Variants in KANSL1 observed in about 807,000 individuals in gnomAD.
The protein encoded by KANSL1 is MLL1/MLL complex subunit KANSL1.
Under a neutral mutation model 103.6 loss-of-function variants are expected in KANSL1, and 22 were observed. The observed-to-expected ratio is 0.21, with a 90% CI of 0.15 to 0.30. The LOEUF (loss-of-function observed/expected upper bound fraction) is 0.30. Ranked by LOEUF, KANSL1 falls within the 10% of genes least tolerant of loss-of-function variation. KANSL1 has a pLI of 1.00. For synonymous variants in KANSL1, 600 were observed against 527.6 expected, an observed-to-expected ratio of 1.14 and a Z score of -1.88; for missense variants, 1,337 against 1,399.8, an observed-to-expected ratio of 0.96 and a Z score of 0.72.
chr17:46,182,082 T>G (rs2046820830), intron 1 of KANSL1, among the ~76,000 whole-genome samples: 2 of 152,236 alleles, frequency 1.3e-5, no homozygotes, highest in Admixed American at 6.5e-5. Context: ...GCAAAATTCC[T>G]TAACAGCACC....
intron 2 of KANSL1, among the ~76,000 whole-genome samples, chr17:46,132,120 T>TC (rs2043892399): frequency 6.7e-6 from 1 of 148,782 alleles, no homozygotes; most frequent in Non-Finnish European, 1.5e-5. Flanking sequence ...ACAGCAAAAC[T>TC]CCATCTCAAA....
chr17:46,206,457 A>G (rs2047972298), intron 1 of KANSL1, among the ~76,000 whole-genome samples: 2 of 152,230 alleles, frequency 1.3e-5, no homozygotes, highest in African/African-American at 4.8e-5. Flanking sequence ...CAAGTGCTGT[A>G]GCTGACACCT....
intron 2 of KANSL1, among the ~76,000 whole-genome samples, chr17:46,128,915 A>T (rs1016499223): frequency 2.0e-5 from 3 of 152,198 alleles, no homozygotes; most frequent in Admixed American, 2.0e-4. Flanking sequence ...ATGACCAGTA[A>T]CTTCAGAAGC....
Position 46,039,760 on chromosome 17 carries a change from C to T in KANSL1, c.2145G>A (p.Leu715=), listed in dbSNP as rs1360670835. The T allele has an allele frequency of 1.1e-5, 17 of 1,614,154 alleles. No individual in the cohort carries two copies. The highest frequency in any genetic ancestry group is 6.6e-5 in the South Asian group (6 of 91,082). ...LKHRAPMPGS[L]PDSARKDRHK... ...GCCTGTCCTTACGAGCTGAATCTGG[C>T]AGACTGCCCGGCATGGGTGCTCTGT... The change falls in exon 8 of 15, where the codon CTG becomes CTA. Residue 715 remains leucine, a synonymous_variant. Coordinates refer to ENST00000432791, the MANE Select transcript of KANSL1 (RefSeq NM_015443.4).
intron 3 of KANSL1, among the ~76,000 whole-genome samples, chr17:46,084,171 C>CAAGAACACCTTG (rs2079077744): frequency 6.6e-6 from 1 of 151,924 alleles, no homozygotes; most frequent in Non-Finnish European, 1.5e-5. Flanking sequence ...CTGAGGTCGT[C>CAAGAACACCTTG]AGGAGTTCAA....
chr17:46,086,871 G>GGA lies in KANSL1; in HGVS notation c.1432-4331_1432-4330dup, dbSNP rs374600415. Among the ~76,000 whole-genome samples, 9 of 151,944 alleles carry GGA rather than the reference G, an allele frequency of 5.9e-5. No homozygotes were observed. In the East Asian group the frequency reaches 7.7e-4, roughly 13 times the overall value. On this transcript the variant is annotated intron_variant, in intron 3 of 14. Transcript: ENST00000432791. Reference sequence around the variant, plus strand: ...TATTCAGGAGGATCACTTAAGCCCAGGAGAGAGAGAGAGATACAAGTGGGA... The same window carrying GGA: ...TATTCAGGAGGATCACTTAAGCCCAGGAGAGAGAGAGAGAGATACAAGTGGGA...
At chr17:46,059,647 A>AAGAGAGAGAGAG (rs56065215) in intron 6 of KANSL1, among the ~76,000 whole-genome samples, 941 of 54,790 alleles carry the variant, frequency 0.017, 16 homozygotes, top group South Asian at 0.058. Flanking sequence ...AAAAAAAAAA[A>AAGAGAGAGAGAG]AGAGAGAGAG....
At chr17:46,059,470 T>A (rs1414254540) in intron 6 of KANSL1, among the ~76,000 whole-genome samples, 3 of 151,410 alleles carry the variant, frequency 2.0e-5, no homozygotes, top group African/African-American at 7.3e-5. Flanking sequence ...AATACAAAAA[T>A]TAGCTGGGCA....
intron 2 of KANSL1, among the ~76,000 whole-genome samples, chr17:46,166,552 G>A (rs867894889): frequency 6.6e-6 from 1 of 151,920 alleles, no homozygotes; most frequent in South Asian, 2.1e-4. Flanking sequence ...AAAACTCACT[G>A]CAATCAAGAC....
intron 6 of KANSL1, 152 bp downstream of exon 6, chr17:46,066,385 A>C: frequency 1.9e-6 from 1 of 540,278 alleles, no homozygotes; most frequent in Non-Finnish European, 3.1e-6. Flanking sequence ...ACTCCAGAGC[A>C]AACAGGGCCC....
At chr17:46,139,645 T>C (rs1229277345) in intron 2 of KANSL1, among the ~76,000 whole-genome samples, 2 of 152,368 alleles carry the variant, frequency 1.3e-5, no homozygotes, top group East Asian at 1.9e-4. Context: ...AGTCAATCAT[T>C]ATGTCTAGTA....
At chr17:46,045,264 T>C (rs1170195429) in intron 7 of KANSL1, 1 of 152,156 alleles carries the variant, frequency 6.6e-6, no homozygotes, top group East Asian at 1.9e-4. Flanking sequence ...TCTGCACCCA[T>C]GGGAATCTTC....
upstream of KANSL1, chr17:46,196,032 C>T (rs62060952): frequency 0.12 from 28,371 of 228,220 alleles, 3 homozygotes; most frequent in Middle Eastern, 0.18. Context: ...ACTTGAGCTC[C>T]GGAGTTAGAG....
chr17:46,079,646 T>A (rs1355950565), intron 4 of KANSL1, among the ~76,000 whole-genome samples: 5 of 152,258 alleles, frequency 3.3e-5, no homozygotes, highest in Non-Finnish European at 5.9e-5. Flanking sequence ...GCCACCATCA[T>A]GATTCCCTTG....
rs779914160 is a variant in KANSL1, at chr17:46,034,327, A to G, written c.2542-42T>C. On this transcript the variant is annotated intron_variant, in intron 10 of 14. Transcript: ENST00000432791. ...AAGTTTAAAAGGAAGGTACAATTTTACAGACATCAAATCATTCATCTAAGA... is the reference window on the plus strand; with the variant it reads ...AAGTTTAAAAGGAAGGTACAATTTTGCAGACATCAAATCATTCATCTAAGA... 132 of 1,607,454 alleles carry G rather than the reference A, an allele frequency of 8.2e-5. No individual in the cohort carries two copies. The Middle Eastern group carries it at 1.5e-3, about 18-fold the overall frequency.
chr17:46,055,923 G>C (rs1274659246), intron 6 of KANSL1, among the ~76,000 whole-genome samples: 1 of 152,166 alleles, frequency 6.6e-6, no homozygotes. Context: ...GGAAAACCAA[G>C]AGGTCATACA....
intron 6 of KANSL1, among the ~76,000 whole-genome samples, chr17:46,062,792 G>C (rs2078225108): frequency 6.6e-6 from 1 of 151,012 alleles, no homozygotes; most frequent in African/African-American, 2.4e-5. Context: ...GCTCACGCCT[G>C]TAATCCCAGC....
intron 3 of KANSL1, among the ~76,000 whole-genome samples, chr17:46,085,573 T>TC (rs2079133894): frequency 6.6e-6 from 1 of 152,060 alleles, no homozygotes; most frequent in Non-Finnish European, 1.5e-5. Context: ...CACTGTAACC[T>TC]CCCCCTCCCG....
intron 2 of KANSL1, among the ~76,000 whole-genome samples, chr17:46,135,695 C>CTTTTTT (rs35094789): frequency 3.6e-5 from 3 of 84,430 alleles, no homozygotes; most frequent in East Asian, 1.0e-3. Flanking sequence ...CCATGCCTGG[C>CTTTTTT]TTTTTTTTTT....
Sources: allele counts gnomAD v4.1 joint callset (sites outside exome capture counted in the v4.1 genomes callset), GRCh38; gene constraint gnomAD v4.1.1; transcripts MANE v1.5; gene names NCBI Gene and HGNC (gene_info 2026-07-23, HGNC 2026-07-21).